Variants in KIF13B observed in about 807,000 individuals in gnomAD.
KIF13B encodes kinesin-like protein KIF13B.
Under a neutral mutation model 222.0 loss-of-function variants are expected in KIF13B, and 127 were observed. That is an observed-to-expected ratio of 0.57 (90% CI 0.50 to 0.66). The LOEUF is 0.66. Among genes scored for constraint, KIF13B ranks in the 30% least tolerant of loss-of-function variants. The pLI, the probability that KIF13B is intolerant of heterozygous loss-of-function variation, is 0.00. For synonymous variants in KIF13B, 976 were observed against 919.0 expected (o/e 1.06, Z -1.12); for missense variants, 2,173 against 2,379.0 (o/e 0.91, Z 1.80).
intron 36 of KIF13B, among the ~76,000 whole-genome samples, chr8:29,094,970 T>TAAA (rs34939158): frequency 2.9e-5 from 4 of 137,782 alleles, no homozygotes; most frequent in Non-Finnish European, 3.1e-5. Context: ...ATAAAAAGAT[T>TAAA]AAAAAAAAAA....
At chr8:29,223,389 C>A (rs967702624) in intron 2 of KIF13B, among the ~76,000 whole-genome samples, 26 of 150,378 alleles carry the variant, frequency 1.7e-4, no homozygotes, top group African/African-American at 4.9e-4. Flanking sequence ...GACAACTTGG[C>A]CTCATTTTAA....
At chr8:29,146,123 A>AATC in intron 18 of KIF13B, 1 of 589,372 alleles carries the variant, frequency 1.7e-6, no homozygotes, top group Non-Finnish European at 3.0e-6. Context: ...AACAGATTTG[A>AATC]AGGAAGAAAG....
chr8:29,215,247 T>C (rs1388463073), intron 2 of KIF13B, among the ~76,000 whole-genome samples: 1 of 151,978 alleles, frequency 6.6e-6, no homozygotes, highest in Non-Finnish European at 1.5e-5. Context: ...AGAAAAGACT[T>C]TTCCAACCTA....
At chr8:29,253,321 G>T (rs1222372128) in intron 1 of KIF13B, among the ~76,000 whole-genome samples, 1 of 152,180 alleles carries the variant, frequency 6.6e-6, no homozygotes, top group East Asian at 1.9e-4. Context: ...TCCAGCCTGG[G>T]CAACAGAGCA....
At chr8:29,189,278 T>A (rs1316916217) in intron 4 of KIF13B, 1 of 151,076 alleles carries the variant, frequency 6.6e-6, no homozygotes, top group East Asian at 1.9e-4. Flanking sequence ...CCATTATGTC[T>A]CATTTCCTTT....
intron 30 of KIF13B, among the ~76,000 whole-genome samples, chr8:29,117,983 C>A (rs1158486749): frequency 6.6e-6 from 1 of 151,958 alleles, no homozygotes; most frequent in Non-Finnish European, 1.5e-5. Context: ...CATGGTGAAA[C>A]CCCATCTCTA....
chr8:29,241,869 A>G (rs73224687), intron 2 of KIF13B, among the ~76,000 whole-genome samples: 40,664 of 152,040 alleles, frequency 0.27, 6,722 homozygotes, highest in East Asian at 0.64. Context: ...TTTAAAAAAG[A>G]TATGAGGCAA....
intron 12 of KIF13B, among the ~76,000 whole-genome samples, 167 bp from the exon 13 acceptor site, chr8:29,161,034 T>A (rs539932058): frequency 2.6e-5 from 4 of 152,242 alleles, no homozygotes; most frequent in African/African-American, 9.6e-5. Flanking sequence ...CCAAACTATA[T>A]GATTTTTTTG....
rs1184695390 is a variant in KIF13B at position 29,123,249 on chromosome 8, A to T, written c.3479+117T>A. 4.3e-6 allele frequency: 5 copies of T among 1,150,514 alleles called. No individual in the cohort carries two copies. In the East Asian group the frequency reaches 7.5e-5, roughly 17 times the overall value. 71.3% of individuals were successfully genotyped at this position (1,150,514 alleles called of 1,614,324 possible). On this transcript the variant is annotated intron_variant, in intron 28 of 39. Coordinates refer to ENST00000524189, the MANE Select transcript of KIF13B (RefSeq NM_015254.4). ...TTTAACAGTTCCTTTAATTTAAACAACATTTCCCCCCATGCTATTGACTCT... is the reference window on the plus strand; with the variant it reads ...TTTAACAGTTCCTTTAATTTAAACATCATTTCCCCCCATGCTATTGACTCT...
At chr8:29,217,759 C>T (rs571750374) in intron 2 of KIF13B, among the ~76,000 whole-genome samples, 2 of 152,272 alleles carry the variant, frequency 1.3e-5, no homozygotes, top group South Asian at 4.2e-4. Context: ...GTCCAGAAGA[C>T]AAAGCACTAA....
At chr8:29,203,819 G>A (rs536575918) in intron 2 of KIF13B, among the ~76,000 whole-genome samples, 6 of 149,226 alleles carry the variant, frequency 4.0e-5, no homozygotes, top group South Asian at 2.1e-4. Flanking sequence ...GCTTGAAGCC[G>A]GGAGGCGGAG....
Position 29,070,850 on chromosome 8 carries a change from G to A in KIF13B, c.5219-84C>T. The A allele has an allele frequency of 7.0e-7, 1 of 1,436,584 alleles. No homozygotes were observed. Among genetic ancestry groups the A allele is most frequent in the Non-Finnish European group, 9.5e-7 (1 of 1,051,524 alleles). The allele number at this position is 1,436,584 out of a possible 1,614,324, so 89.0% of individuals were successfully genotyped here. Reference sequence around the variant, plus strand: ...CCTCCCTTACCTCTGCAGAGGCCATGTGCCCACACTGCCACCCCCCCGCAC... The same window carrying A: ...CCTCCCTTACCTCTGCAGAGGCCATATGCCCACACTGCCACCCCCCCGCAC... On this transcript the variant is annotated intron_variant, in intron 39 of 39. Transcript: ENST00000524189. This position sits in a 1 kb window ranked among gnomAD's most constrained non-coding sequence, Gnocchi z 4.1.
At chr8:29,119,338 A>C (rs187864748) in intron 29 of KIF13B, among the ~76,000 whole-genome samples, 2 of 152,330 alleles carry the variant, frequency 1.3e-5, no homozygotes, top group Admixed American at 1.3e-4. Context: ...GAAGGGTCAG[A>C]AACGAGCAAG....
At chr8:29,198,681 T>C (rs913639767) in intron 2 of KIF13B, among the ~76,000 whole-genome samples, 3 of 152,206 alleles carry the variant, frequency 2.0e-5, no homozygotes, top group East Asian at 1.9e-4. Flanking sequence ...AACCCCACTA[T>C]GGGTATGCAC....
chr8:29,243,426 G>A (rs1020689009), intron 2 of KIF13B, among the ~76,000 whole-genome samples: 7 of 151,764 alleles, frequency 4.6e-5, no homozygotes, highest in East Asian at 1.9e-4. Context: ...GGAGGCCGAC[G>A]CAGGCAGATC....
At chr8:29,140,228 A>G (rs1438860735) in intron 20 of KIF13B, 37 bp from the exon 21 acceptor site, 1 of 1,611,700 alleles carries the variant, frequency 6.2e-7, no homozygotes, top group Admixed American at 1.7e-5. Flanking sequence ...ATTTCTCCAG[A>G]TTTGGTTCGT....
chr8:29,148,478 C>T (rs911049005), intron 16 of KIF13B, 99 bp downstream of exon 16: 13 of 763,726 alleles, frequency 1.7e-5, no homozygotes, highest in Non-Finnish European at 2.6e-5. Flanking sequence ...GGCACAGTCT[C>T]AGCTCACTGC....
intron 32 of KIF13B, among the ~76,000 whole-genome samples, chr8:29,112,392 C>A (rs1164894094): frequency 6.9e-6 from 1 of 144,456 alleles, no homozygotes; most frequent in African/African-American, 2.6e-5. Context: ...AAGATCACAC[C>A]ACTGCACTCC....
At chr8:29,127,791 A>C (rs996150994) in intron 24 of KIF13B, among the ~76,000 whole-genome samples, 1 of 152,192 alleles carries the variant, frequency 6.6e-6, no homozygotes, top group African/African-American at 2.4e-5. Flanking sequence ...CCAGAGAGCT[A>C]AGTAAATAAT....
Sources: gnomAD v4.1 joint callset for allele counts (sites outside exome capture counted in the v4.1 genomes callset) on GRCh38, gnomAD v4.1.1 for gene constraint, Gnocchi (gnomAD v3.1) non-coding constraint, MANE v1.5 for transcripts, NCBI Gene and HGNC (gene_info 2026-07-23, HGNC 2026-07-21) for gene names.